RNGTT: variants seen among roughly 807,000 people sequenced by gnomAD.
The protein encoded by RNGTT is RNA guanylyltransferase and 5'-phosphatase, also known as mRNA-capping enzyme.
RNGTT carries 33 observed loss-of-function variants against 79.3 expected under a neutral mutation model. That is an observed-to-expected ratio of 0.42 (90% CI 0.32 to 0.56). The LOEUF (loss-of-function observed/expected upper bound fraction) is 0.56. RNGTT is among the 20% of genes least tolerant of loss of function. The pLI, the probability that RNGTT is intolerant of heterozygous loss-of-function variation, is 0.17. For missense variants in RNGTT, 497 were observed against 739.1 expected (o/e 0.67, Z 3.80); for synonymous variants, 222 against 235.9 (o/e 0.94, Z 0.54).
chr6:88,723,746 G>A (rs1018440068), intron 13 of RNGTT, among the ~76,000 whole-genome samples: 3 of 151,812 alleles, frequency 2.0e-5, no homozygotes, highest in African/African-American at 7.3e-5. Flanking sequence ...GTCTTTTGAG[G>A]CAGAGTCTCG....
At chr6:88,870,780 C>T (rs1782328618) in intron 8 of RNGTT, among the ~76,000 whole-genome samples, 1 of 152,028 alleles carries the variant, frequency 6.6e-6, no homozygotes, top group Non-Finnish European at 1.5e-5. Flanking sequence ...ATATATGATC[C>T]CACTAATCCT....
At chr6:88,739,581 AAGAC>A (rs1777398148) in intron 13 of RNGTT, among the ~76,000 whole-genome samples, 2 of 151,876 alleles carry the variant, frequency 1.3e-5, no homozygotes, top group African/African-American at 4.8e-5. Context: ...ACATGTGACA[AAGAC>A]AGGCTCAAAA....
chr6:88,699,174 T>C (rs1775860248), intron 13 of RNGTT, among the ~76,000 whole-genome samples: 1 of 152,218 alleles, frequency 6.6e-6, no homozygotes, highest in African/African-American at 2.4e-5. Context: ...AACCTTAGAA[T>C]ATGCTCAGCA....
At position 88,844,481 on chromosome 6, in the gene RNGTT, T is replaced by C; in HGVS notation, c.1145A>G (p.Gln382Arg). The change falls in exon 11 of 16, where the codon CAG (glutamine) becomes CGG (arginine). Residue 382 changes from glutamine (Q) to arginine (R), a missense_variant. Coordinates refer to ENST00000369485, the MANE Select transcript of RNGTT (RefSeq NM_003800.5). ...ACTTATAATTTCTCGTTCTATACAC[T>C]GCAGACGAACATTAAAATCACAATC... ...VGDCDFNVRL[Q>R]CIEREIISPR... 6.2e-7 allele frequency: 1 copy of C among 1,612,564 alleles called. No individual in the cohort carries two copies. The highest frequency in any genetic ancestry group is 2.2e-5 in the East Asian group (1 of 44,868).
chr6:88,738,462 T>C (rs904071696), intron 13 of RNGTT, among the ~76,000 whole-genome samples: 8 of 152,028 alleles, frequency 5.3e-5, no homozygotes, highest in African/African-American at 1.9e-4. Flanking sequence ...CTGGCAAACA[T>C]GTGAAACCCT....
At chr6:88,680,435 C>T (rs118015494) in intron 13 of RNGTT, among the ~76,000 whole-genome samples, 2,552 of 152,122 alleles carry the variant, frequency 0.017, 28 homozygotes, top group Non-Finnish European at 0.024. Context: ...TATCCCCTGT[C>T]CCCTACGTTC....
intron 13 of RNGTT, among the ~76,000 whole-genome samples, chr6:88,764,628 T>C (rs1236000326): frequency 6.6e-6 from 1 of 152,236 alleles, no homozygotes; most frequent in Non-Finnish European, 1.5e-5. Context: ...TCTTATTTGT[T>C]TGTATATACA....
intron 14 of RNGTT, among the ~76,000 whole-genome samples, chr6:88,662,392 C>T (rs923745290): frequency 4.6e-5 from 7 of 152,208 alleles, no homozygotes; most frequent in East Asian, 3.8e-4. Flanking sequence ...CTCTCAGTCA[C>T]GTAGCCCCCA....
chr6:88,633,616 C>T (rs987075233), intron 14 of RNGTT, among the ~76,000 whole-genome samples: 7 of 152,084 alleles, frequency 4.6e-5, no homozygotes, highest in Non-Finnish European at 8.8e-5. Context: ...ACAGTAAGTG[C>T]TCAACTAAAA....
In RNGTT at chr6:88,637,225, T is replaced by C. The variant is rs983324282; in HGVS notation, c.1507-22830A>G. On this transcript the variant is annotated intron_variant, in intron 14 of 15. Coordinates refer to ENST00000369485, the MANE Select transcript of RNGTT (RefSeq NM_003800.5). ...ACATAAACAGAAGAATTTTCTTCCA[T>C]TCCCTCTCCTTCAACTAAACAACAA... Among the ~76,000 whole-genome samples the C allele has an allele frequency of 3.3e-5, 5 of 152,184 alleles. 1 individual carries two copies. Among genetic ancestry groups the C allele is most frequent in the Admixed American group, 2.6e-4 (4 of 15,270 alleles).
chr6:88,681,682 C>T (rs1000659890), intron 13 of RNGTT, among the ~76,000 whole-genome samples: 3 of 152,068 alleles, frequency 2.0e-5, no homozygotes, highest in African/African-American at 7.2e-5. Context: ...TTTAAATTCC[C>T]AGAGTAAAGC....
chr6:88,881,043 C>A (rs1021072211), intron 8 of RNGTT, among the ~76,000 whole-genome samples: 6 of 152,152 alleles, frequency 3.9e-5, no homozygotes, highest in Non-Finnish European at 7.4e-5. Context: ...GTAGAACTGA[C>A]TCCCCCCTCC....
chr6:88,769,757 C>A lies in RNGTT; in HGVS notation c.1439+17G>T, dbSNP rs761416127. The A allele has an allele frequency of 6.6e-7, 1 of 1,521,480 alleles. No homozygotes were observed. Among genetic ancestry groups the A allele is most frequent in the African/African-American group, 1.4e-5 (1 of 73,134 alleles). 94.2% of individuals were successfully genotyped at this position (1,521,480 alleles called of 1,614,324 possible). Reference sequence around the variant, plus strand: ...ACAGTATTATTTCATGCAAAAAGTACAAAAGTGCATACTTACCCTTCTCCT... The same window carrying A: ...ACAGTATTATTTCATGCAAAAAGTAAAAAAGTGCATACTTACCCTTCTCCT... On this transcript the variant is annotated intron_variant, in intron 13 of 15. Coordinates refer to ENST00000369485, the MANE Select transcript of RNGTT (RefSeq NM_003800.5).
intron 13 of RNGTT, among the ~76,000 whole-genome samples, chr6:88,707,981 C>T (rs2127805509): frequency 6.6e-6 from 1 of 151,920 alleles, no homozygotes; most frequent in East Asian, 2.0e-4. Flanking sequence ...AGTAGACAAG[C>T]AGAAGCACTA....
At chr6:88,659,901 C>T (rs1319553308) in intron 14 of RNGTT, among the ~76,000 whole-genome samples, 1 of 152,116 alleles carries the variant, frequency 6.6e-6, no homozygotes, top group African/African-American at 2.4e-5. Context: ...AGCTATGAGA[C>T]AAAAGCATCA....
intron 12 of RNGTT, among the ~76,000 whole-genome samples, chr6:88,775,494 A>AT (rs1343444248): frequency 1.3e-5 from 2 of 152,130 alleles, no homozygotes; most frequent in African/African-American, 4.8e-5. Context: ...GAGAGGGGGG[A>AT]TAAAAAGCAT....
chr6:88,862,422 A>T (rs1782043527), intron 8 of RNGTT, among the ~76,000 whole-genome samples: 1 of 152,144 alleles, frequency 6.6e-6, no homozygotes. Flanking sequence ...ACGTTACTGG[A>T]GGGTGGCACA....
intron 1 of RNGTT, among the ~76,000 whole-genome samples, chr6:88,960,005 A>G (rs1057466741): frequency 1.3e-5 from 2 of 152,230 alleles, no homozygotes; most frequent in African/African-American, 2.4e-5. Context: ...TAATTCATGT[A>G]TGACCTTCTC....
chr6:88,955,954 T>G (rs187812704), intron 1 of RNGTT, among the ~76,000 whole-genome samples: 1 of 141,812 alleles, frequency 7.1e-6, no homozygotes, highest in East Asian at 2.1e-4. Context: ...GGCAGGAGAA[T>G]CACTTGAACC....
Sources: allele counts gnomAD v4.1 joint callset (sites outside exome capture counted in the v4.1 genomes callset), GRCh38; gene constraint gnomAD v4.1.1; transcripts MANE v1.5; gene names NCBI Gene and HGNC (gene_info 2026-07-23, HGNC 2026-07-21).